GRK7: variants seen among roughly 807,000 people sequenced by gnomAD.
GRK7 encodes rhodopsin kinase GRK7.
GRK7 carries 24 observed loss-of-function variants against 34.1 expected under a neutral mutation model. The ratio of observed to expected loss-of-function variants is 0.70; its 90% CI spans 0.51 to 0.99. GRK7 has a LOEUF of 0.99. Among genes scored for constraint, GRK7 ranks in the 50% least tolerant of loss-of-function variants. The probability of loss-of-function intolerance (pLI) is 0.00; values close to 1 mark genes in which losing one functional copy is unlikely to be tolerated. For missense variants in GRK7, 644 were observed against 707.3 expected (o/e 0.91, Z 1.02); for synonymous variants, 256 against 279.4 (o/e 0.92, Z 0.84).
At chr3:141,770,155 C>T (rs1354008577) in intron 1 of GRK7, among the ~76,000 whole-genome samples, 1 of 152,090 alleles carries the variant, frequency 6.6e-6, no homozygotes, top group African/African-American at 2.4e-5. Context: ...CCTGCCTTGG[C>T]CTCCCAAAGT....
chr3:141,801,294 G>C (rs1355320952), intron 4 of GRK7, among the ~76,000 whole-genome samples: 2 of 119,270 alleles, frequency 1.7e-5, no homozygotes, highest in African/African-American at 6.6e-5. Context: ...CTGGGCGACA[G>C]AGCGAGACTC....
upstream of GRK7, among the ~76,000 whole-genome samples, chr3:141,759,970 G>A (rs1402407398): frequency 5.1e-5 from 3 of 58,924 alleles, no homozygotes; most frequent in African/African-American, 2.1e-4. Context: ...TTCTCTGATG[G>A]TAGTTTGTAT....
the GRK7 span, among the ~76,000 whole-genome samples, chr3:141,755,128 T>C: frequency 6.6e-6 from 1 of 152,222 alleles, no homozygotes; most frequent in Non-Finnish European, 1.5e-5. Flanking sequence ...TGAATAGAAA[T>C]AGCATGTGGT....
intron 4 of GRK7, among the ~76,000 whole-genome samples, chr3:141,782,549 G>A (rs2084676916): frequency 6.6e-6 from 1 of 152,156 alleles, no homozygotes; most frequent in South Asian, 2.1e-4. Context: ...GGGATTTGGA[G>A]TTATCATGGT....
chr3:141,777,491 A>ATTTTTTTTTTTTTTTTTT (rs530806848), intron 2 of GRK7, among the ~76,000 whole-genome samples: 16 of 80,588 alleles, frequency 2.0e-4, no homozygotes, highest in African/African-American at 3.6e-4. Context: ...AGCCCGGCTA[A>ATTTTTTTTTTTTTTTTTT]TTTTTTTTTT....
upstream of GRK7, among the ~76,000 whole-genome samples, chr3:141,759,941 C>T (rs1479191704): frequency 1.2e-4 from 8 of 66,242 alleles, no homozygotes; most frequent in East Asian, 3.7e-3. Flanking sequence ...AGTTTATTTG[C>T]GTAGAGGTGT....
intron 2 of GRK7, among the ~76,000 whole-genome samples, chr3:141,775,411 G>GAA (rs998720496): frequency 2.6e-5 from 4 of 151,984 alleles, no homozygotes; most frequent in African/African-American, 9.7e-5. Context: ...AAAAAGAAAA[G>GAA]AAAAGAAAGT....
chr3:141,772,869 A>G (rs2107873456), intron 1 of GRK7, among the ~76,000 whole-genome samples: 1 of 152,352 alleles, frequency 6.6e-6, no homozygotes, highest in South Asian at 2.1e-4. Flanking sequence ...GCAGTGGCTC[A>G]TGCCTGTAAT....
chr3:141,787,843 TA>T (rs11396159), intron 4 of GRK7, among the ~76,000 whole-genome samples: 560 of 135,292 alleles, frequency 4.1e-3, no homozygotes, highest in Admixed American at 4.7e-3. Context: ...CTTTGTCTCT[TA>T]AAAAAAAAAA....
In GRK7 at chr3:141,817,238, T is replaced by A. The variant is rs1421873925; in HGVS notation, c.*188T>A. Reference sequence around the variant, plus strand: ...TTTTCTTTTTCTTTCTTCATAAAGATGAGTAAAGTCTCAGTTTTCACTGAG... The same window carrying A: ...TTTTCTTTTTCTTTCTTCATAAAGAAGAGTAAAGTCTCAGTTTTCACTGAG... On this transcript the variant is annotated 3_prime_UTR_variant, in exon 6 of 6. Coordinates refer to ENST00000682958, the MANE Select transcript of GRK7 (RefSeq NM_139209.3). The A allele has an allele frequency of 2.0e-6, 1 of 505,342 alleles. No homozygotes were observed. Among genetic ancestry groups the A allele is most frequent in the African/African-American group, 1.9e-5 (1 of 51,798 alleles). 31.3% of individuals were successfully genotyped at this position (505,342 alleles called of 1,614,324 possible). A position where few individuals can be genotyped will look rare whatever the true frequency, so the allele number is the denominator to read the frequency against.
intron 4 of GRK7, among the ~76,000 whole-genome samples, chr3:141,803,739 C>T (rs747538937): frequency 6.6e-6 from 1 of 152,198 alleles, no homozygotes; most frequent in Non-Finnish European, 1.5e-5. Context: ...TCCCCTCCCC[C>T]AAGACGGAGT....
intron 4 of GRK7, among the ~76,000 whole-genome samples, chr3:141,792,434 C>A (rs1018990657): frequency 6.7e-6 from 1 of 148,978 alleles, no homozygotes; most frequent in Non-Finnish European, 1.5e-5. Context: ...ACTTAATAAT[C>A]ATTCAAATAA....
chr3:141,789,452 A>T (rs180848665), intron 4 of GRK7, among the ~76,000 whole-genome samples: 2 of 152,282 alleles, frequency 1.3e-5, no homozygotes, highest in East Asian at 3.9e-4. Flanking sequence ...TAGTTCCTTC[A>T]CAGTTCCCAG....
At chr3:141,780,296 C>G in intron 3 of GRK7, 78 bp from the exon 4 acceptor site, 1 of 1,227,588 alleles carries the variant, frequency 8.1e-7, no homozygotes. Flanking sequence ...TTTCCACCCA[C>G]CTCCTCCTTT....
chr3:141,792,336 G>A (rs1188190746), intron 4 of GRK7, among the ~76,000 whole-genome samples: 5 of 151,556 alleles, frequency 3.3e-5, no homozygotes, highest in Admixed American at 1.3e-4. Context: ...CCCAAGAGAC[G>A]GAGGCTGCAG....
At position 141,790,108 on chromosome 3, in the gene GRK7, T is replaced by A. The variant is rs990551342; in HGVS notation, c.1050+9297T>A. On this transcript the variant is annotated intron_variant, in intron 4 of 5. Coordinates refer to ENST00000682958, the MANE Select transcript of GRK7 (RefSeq NM_139209.3). ...CCTCCGTCTCCCAGGTTCAAGTGAT[T>A]CTCCCGCCTCAGCCTGCCGTGTAGC... Among the ~76,000 whole-genome samples, 15 of 152,252 alleles carry A rather than the reference T, an allele frequency of 9.9e-5. 1 individual carries two copies. Among genetic ancestry groups the A allele is most frequent in the African/African-American group, 3.6e-4 (15 of 41,552 alleles).
chr3:141,789,769 G>C (rs973783491), intron 4 of GRK7, among the ~76,000 whole-genome samples: 1 of 151,744 alleles, frequency 6.6e-6, no homozygotes, highest in Non-Finnish European at 1.5e-5. Context: ...TGAGACCTAA[G>C]AGTTCCAAGT....
chr3:141,781,941 C>A (rs2084674206), intron 4 of GRK7, among the ~76,000 whole-genome samples: 1 of 152,114 alleles, frequency 6.6e-6, no homozygotes, highest in Non-Finnish European at 1.5e-5. Flanking sequence ...CTTAAAACCT[C>A]ATTTTTGTAC....
intron 4 of GRK7, among the ~76,000 whole-genome samples, chr3:141,782,994 A>G (rs2681700): frequency 0.11 from 16,234 of 152,260 alleles, 911 homozygotes; most frequent in Non-Finnish European, 0.13. Flanking sequence ...GCATTAGTTC[A>G]GCAGCTGCAG....
Sources: gnomAD v4.1 joint callset for allele counts (sites outside exome capture counted in the v4.1 genomes callset) on GRCh38, gnomAD v4.1.1 for gene constraint, MANE v1.5 for transcripts, NCBI Gene and HGNC (gene_info 2026-07-23, HGNC 2026-07-21) for gene names.